The following CHN2 variants were observed in gnomAD, a reference collection of about 807,000 sequenced individuals.
CHN2 encodes the protein chimerin 2.
In CHN2, 35 loss-of-function variants were observed where a neutral mutation model predicts 56.3. The observed-to-expected ratio is 0.62, with a 90% CI of 0.47 to 0.82. The LOEUF (loss-of-function observed/expected upper bound fraction) is 0.82, where lower values mean the gene tolerates loss of function less well. Among genes scored for constraint, CHN2 ranks in the 40% least tolerant of loss-of-function variants. CHN2 has a pLI of 0.00. For missense variants in CHN2, 491 were observed against 580.5 expected, an observed-to-expected ratio of 0.85 and a Z score of 1.58; for synonymous variants, 210 against 212.8, an observed-to-expected ratio of 0.99 and a Z score of 0.12.
chr7:29,181,056 T>C (rs1337540271), intron 2 of CHN2, among the ~76,000 whole-genome samples: 1 of 152,204 alleles, frequency 6.6e-6, no homozygotes, highest in Non-Finnish European at 1.5e-5. Context: ...TCCCTAGTAA[T>C]CAGTTAGATA....
At chr7:29,190,340 A>T (rs1210209338), upstream of CHN2, among the ~76,000 whole-genome samples, 1 of 152,162 alleles carries the variant, frequency 6.6e-6, no homozygotes, top group Non-Finnish European at 1.5e-5. Flanking sequence ...CACTGGATTA[A>T]TCTTGAAAGT....
intron 3 of CHN2, among the ~76,000 whole-genome samples, chr7:29,380,082 A>G (rs1800371273): frequency 6.6e-6 from 1 of 152,216 alleles, no homozygotes; most frequent in South Asian, 2.1e-4. Flanking sequence ...ATCTGCTGCT[A>G]TCCCTGGGCA....
chr7:29,301,545 C>T (rs568097414), intron 1 of CHN2, among the ~76,000 whole-genome samples: 1 of 152,146 alleles, frequency 6.6e-6, no homozygotes, highest in Non-Finnish European at 1.5e-5. Context: ...GAAGGGAGAA[C>T]CTGCTACATT....
chr7:29,366,261 G>A (rs1400407767), intron 2 of CHN2, among the ~76,000 whole-genome samples: 1 of 150,682 alleles, frequency 6.6e-6, no homozygotes, highest in Non-Finnish European at 1.5e-5. Flanking sequence ...TGAAGCGTTA[G>A]GGGTGGAGGA....
chr7:29,218,281 A>G (rs1047227083), intron 1 of CHN2, among the ~76,000 whole-genome samples: 4 of 150,740 alleles, frequency 2.7e-5, no homozygotes, highest in Non-Finnish European at 5.9e-5. Context: ...ATGCCTCGTG[A>G]AGGTAGGCAT....
rs1386290752 is a variant in CHN2 at position 29,484,052 on chromosome 7, C to CA, written c.654+3697dup. On this transcript the variant is annotated intron_variant, in intron 7 of 12. Transcript: ENST00000222792. ...CTTGTATTTTTGTATCTAGCTTTTTCAGTCTTTTATTTTCTACCCTCTCTT... is the reference window on the plus strand; with the variant it reads ...CTTGTATTTTTGTATCTAGCTTTTTCAAGTCTTTTATTTTCTACCCTCTCTT... The CA allele has an allele frequency of 1.5e-5, 7 of 479,656 alleles. No individual in the cohort carries two copies. In the East Asian group the frequency reaches 5.0e-4, roughly 34 times the overall value. 29.7% of individuals were successfully genotyped at this position (479,656 alleles called of 1,614,324 possible). A position where few individuals can be genotyped will look rare whatever the true frequency, so the allele number is the denominator to read the frequency against.
intron 1 of CHN2, among the ~76,000 whole-genome samples, chr7:29,234,616 A>C (rs1402654984): frequency 6.6e-6 from 1 of 152,212 alleles, no homozygotes; most frequent in East Asian, 1.9e-4. Context: ...GTGAATGCTC[A>C]TCAAAGCTAC....
chr7:29,149,374 A>G lies in CHN2; in HGVS notation c.274+2414A>G, dbSNP rs1414414951. Reference sequence around the variant, plus strand: ...CAGCCAGCTAATTTTTTGTATTTGTAGTAGACACGGGGTTTCACCATATTG... The same window carrying G: ...CAGCCAGCTAATTTTTTGTATTTGTGGTAGACACGGGGTTTCACCATATTG... On this transcript the variant is annotated intron_variant, in intron 2 of 6. Coordinates refer to the CHN2 transcript ENST00000439384. 2.0e-5 allele frequency among the ~76,000 whole-genome samples: 3 copies of G among 151,924 alleles called. No homozygotes were observed. In the East Asian group the frequency reaches 5.8e-4, roughly 29 times the overall value.
intron 8 of CHN2, 42 bp from the exon 9 acceptor site, chr7:29,499,825 C>T: frequency 1.3e-6 from 2 of 1,499,778 alleles, no homozygotes; most frequent in African/African-American, 2.8e-5. Flanking sequence ...TGTGCTTTGA[C>T]AAAAGGGCTG....
chr7:29,486,335 C>G (rs1391029689), intron 7 of CHN2, among the ~76,000 whole-genome samples: 1 of 152,182 alleles, frequency 6.6e-6, no homozygotes, highest in African/African-American at 2.4e-5. Flanking sequence ...TGCAGTTTGC[C>G]CTCTTGTGCG....
At chr7:29,293,944 G>A (rs966696100) in intron 1 of CHN2, among the ~76,000 whole-genome samples, 14 of 143,430 alleles carry the variant, frequency 9.8e-5, no homozygotes, top group African/African-American at 3.7e-4. Flanking sequence ...TCGGCTCACT[G>A]CAAGCTCCGC....
chr7:29,385,386 A>G (rs905102183), intron 3 of CHN2, among the ~76,000 whole-genome samples: 9 of 152,134 alleles, frequency 5.9e-5, no homozygotes, highest in South Asian at 2.1e-4. Context: ...TTAGGGGGAT[A>G]ATTGTTTGTT....
chr7:29,354,218 G>T (rs1000455565), intron 1 of CHN2, among the ~76,000 whole-genome samples: 4 of 152,332 alleles, frequency 2.6e-5, no homozygotes, highest in Admixed American at 2.6e-4. Flanking sequence ...GCCGCTTTGC[G>T]TCTTGCCCTC....
intron 6 of CHN2, among the ~76,000 whole-genome samples, chr7:29,472,299 G>GCACA (rs59917710): frequency 1.3e-4 from 14 of 105,550 alleles, no homozygotes; most frequent in East Asian, 7.5e-4. Flanking sequence ...ACACACACAC[G>GCACA]CACACACACA....
chr7:29,278,174 T>A (rs1301153664), intron 1 of CHN2, among the ~76,000 whole-genome samples: 2 of 152,180 alleles, frequency 1.3e-5, no homozygotes, highest in African/African-American at 2.4e-5. Flanking sequence ...CAACCTTGAC[T>A]GCACATTGAA....
At chr7:29,347,431 C>A (rs551491608) in intron 1 of CHN2, among the ~76,000 whole-genome samples, 14 of 152,244 alleles carry the variant, frequency 9.2e-5, no homozygotes, top group African/African-American at 3.4e-4. Flanking sequence ...CACAGATCTG[C>A]ATGGCTGGGG....
At chr7:29,218,284 G>C (rs888658427) in intron 1 of CHN2, among the ~76,000 whole-genome samples, 76 of 152,068 alleles carry the variant, frequency 5.0e-4, no homozygotes, top group African/African-American at 1.7e-3. Context: ...CCTCGTGAAG[G>C]TAGGCATGTG....
At chr7:29,438,860 A>C (rs1355791754) in intron 6 of CHN2, among the ~76,000 whole-genome samples, 5 of 152,224 alleles carry the variant, frequency 3.3e-5, no homozygotes, top group Non-Finnish European at 7.3e-5. Context: ...ACAGTTGTAC[A>C]TTGTAGAAAC....
intron 1 of CHN2, among the ~76,000 whole-genome samples, chr7:29,238,128 C>T (rs190839971): frequency 6.7e-6 from 1 of 150,190 alleles, no homozygotes; most frequent in Non-Finnish European, 1.5e-5. Flanking sequence ...AGCGATTTGC[C>T]TGCCTCAGCC....
Sources: gnomAD v4.1 joint callset for allele counts (sites outside exome capture counted in the v4.1 genomes callset) on GRCh38, gnomAD v4.1.1 for gene constraint, MANE v1.5 for transcripts, NCBI Gene and HGNC (gene_info 2026-07-23, HGNC 2026-07-21) for gene names.